The following CYLD variants were observed in gnomAD, a reference collection of about 807,000 sequenced individuals.
CYLD encodes ubiquitin carboxyl-terminal hydrolase CYLD.
In CYLD, 26 loss-of-function variants were observed where a neutral mutation model predicts 104.5. That is an observed-to-expected ratio of 0.25 (90% CI 0.18 to 0.35). CYLD has a LOEUF of 0.35. CYLD is among the 10% of genes least tolerant of loss of function. The probability of loss-of-function intolerance (pLI) is 1.00; values close to 1 mark genes in which losing one functional copy is unlikely to be tolerated. For synonymous variants in CYLD, 385 were observed against 399.9 expected, an observed-to-expected ratio of 0.96 and a Z score of 0.45; for missense variants, 703 against 1,136.1, an observed-to-expected ratio of 0.62 and a Z score of 5.48.
intron 14 of CYLD, among the ~76,000 whole-genome samples, chr16:50,788,409 T>C (rs1434125365): frequency 7.9e-5 from 12 of 152,226 alleles, no homozygotes; most frequent in Admixed American, 7.9e-4. Context: ...ATGGACCTTT[T>C]TACATTTTAG....
intron 7 of CYLD, among the ~76,000 whole-genome samples, chr16:50,776,807 A>G (rs1184230135): frequency 6.6e-6 from 1 of 152,228 alleles, no homozygotes; most frequent in East Asian, 1.9e-4. Context: ...TACAAGCCAA[A>G]GAGCTCATTA....
rs760488100 is a variant in CYLD at position 50,777,993 on chromosome 16, CAGAGAA to C, written c.1138+54_1138+59del. On this transcript the variant is annotated intron_variant, in intron 8 of 18. Coordinates refer to ENST00000427738, the MANE Select transcript of CYLD (RefSeq NM_001378743.1). ...TAATGATCCTTTCTTTCTAACTCAT[CAGAGAA>C]AAATGGTTTTTTATATCAATATTTG... The C allele has an allele frequency of 2.3e-5, 25 of 1,077,684 alleles. No individual in the cohort carries two copies. The South Asian group carries it at 2.4e-4, about 10-fold the overall frequency. The allele number at this position is 1,077,684 out of a possible 1,614,324, so 66.8% of individuals were successfully genotyped here. A position where few individuals can be genotyped will look rare whatever the true frequency, so the allele number is the denominator to read the frequency against.
At chr16:50,747,516 G>T (rs1454898247) in intron 2 of CYLD, among the ~76,000 whole-genome samples, 1 of 152,030 alleles carries the variant, frequency 6.6e-6, no homozygotes, top group Non-Finnish European at 1.5e-5. Context: ...CAATGATCAA[G>T]AAAAAAATAA....
At chr16:50,788,783 A>G (rs1038516075) in intron 14 of CYLD, among the ~76,000 whole-genome samples, 2 of 152,238 alleles carry the variant, frequency 1.3e-5, no homozygotes, top group East Asian at 1.9e-4. Context: ...AAAAATCAAT[A>G]GCATTTCTGT....
rs1188736692 is a variant in CYLD at position 50,796,629 on chromosome 16, T to C, written c.*121T>C. 2.9e-6 allele frequency: 3 copies of C among 1,038,958 alleles called. No individual in the cohort carries two copies. The highest frequency in any genetic ancestry group is 1.3e-5 in the South Asian group (1 of 77,502). The allele number at this position is 1,038,958 out of a possible 1,614,324, so 64.4% of individuals were successfully genotyped here. A position where few individuals can be genotyped will look rare whatever the true frequency, so the allele number is the denominator to read the frequency against. On this transcript the variant is annotated 3_prime_UTR_variant, in exon 19 of 19. Transcript: ENST00000427738. ...TGGATGTCTTTGTGGTGATGATCCT[T>C]CAGAAAAGGATGCCTCTGTTTAAAA...
chr16:50,775,282 A>T, intron 6 of CYLD, 108 bp downstream of exon 6: 1 of 862,440 alleles, frequency 1.2e-6, no homozygotes. Flanking sequence ...AGTATTTAGG[A>T]GTATTCTATG....
Position 50,801,088 on chromosome 16 carries a change from C to T in CYLD, c.*4580C>T, listed in dbSNP as rs1972426066. On this transcript the variant is annotated 3_prime_UTR_variant, in exon 19 of 19. Coordinates refer to ENST00000427738, the MANE Select transcript of CYLD (RefSeq NM_001378743.1). ...GTGTTCGCATTGCCCTTCTCCGTTCCCCTTCAGACCTTTCTGGGGAGAAGA... is the reference window on the plus strand; with the variant it reads ...GTGTTCGCATTGCCCTTCTCCGTTCTCCTTCAGACCTTTCTGGGGAGAAGA... The T allele has an allele frequency of 4.3e-6, 1 of 233,314 alleles. No individual in the cohort carries two copies. Among genetic ancestry groups the T allele is most frequent in the Non-Finnish European group, 8.5e-6 (1 of 118,094 alleles). The allele number at this position is 233,314 out of a possible 1,614,324, so 14.5% of individuals were successfully genotyped here. A position where few individuals can be genotyped will look rare whatever the true frequency, so the allele number is the denominator to read the frequency against.
At chr16:50,762,152 A>T (rs1051242952) in intron 5 of CYLD, among the ~76,000 whole-genome samples, 2 of 151,840 alleles carry the variant, frequency 1.3e-5, no homozygotes, top group Admixed American at 1.3e-4. Context: ...GCAACCTCCC[A>T]TCATCCACCC....
Position 50,792,582 on chromosome 16 carries a change from C to G in CYLD, c.2242-15C>G. ...TTTAACACTTTGATTCTAAAAATAT[C>G]TGTCTTTTTTATAGGCACCATCATG... On this transcript the variant is annotated splice_polypyrimidine_tract_variant and intron_variant, in intron 15 of 18. Coordinates refer to ENST00000427738, the MANE Select transcript of CYLD (RefSeq NM_001378743.1). The G allele has an allele frequency of 6.4e-7, 1 of 1,553,902 alleles. No individual in the cohort carries two copies.
chr16:50,760,371 G>T (rs1967761929), intron 5 of CYLD, among the ~76,000 whole-genome samples: 1 of 152,012 alleles, frequency 6.6e-6, no homozygotes, highest in South Asian at 2.1e-4. Flanking sequence ...AAATTAAAAA[G>T]TACAATAAAA....
At chr16:50,780,545 G>A (rs371300214) in intron 9 of CYLD, among the ~76,000 whole-genome samples, 1 of 152,274 alleles carries the variant, frequency 6.6e-6, no homozygotes. Flanking sequence ...TAGAGATGGG[G>A]TCTCACTCTG....
chr16:50,781,612 C>T (rs563099727), intron 10 of CYLD, among the ~76,000 whole-genome samples: 8 of 152,196 alleles, frequency 5.3e-5, no homozygotes, highest in South Asian at 4.2e-4. Flanking sequence ...TTAGGACGTG[C>T]GTTTGGGACT....
At position 50,786,959 on chromosome 16, in the gene CYLD, A is replaced by T. The variant is rs568244365; in HGVS notation, c.2041+13A>T. The T allele has an allele frequency of 2.8e-5, 44 of 1,594,198 alleles. No individual in the cohort carries two copies. In the South Asian group the frequency reaches 4.2e-4, roughly 15 times the overall value. The stretch of plus-strand genomic sequence containing the variant: ...TCTGAAGAAAAAGGTGACCATCTTA[A>T]CTTATATGCGTTAAAAATAACTGAA... On this transcript the variant is annotated intron_variant, in intron 13 of 18. Coordinates refer to ENST00000427738, the MANE Select transcript of CYLD (RefSeq NM_001378743.1).
At chr16:50,764,532 T>C (rs146234142) in intron 5 of CYLD, among the ~76,000 whole-genome samples, 60 of 152,362 alleles carry the variant, frequency 3.9e-4, no homozygotes, top group African/African-American at 1.4e-3. Context: ...TGCTTTCTTA[T>C]ATTCTTCACC....
chr16:50,790,289 G>A (rs1462554071), intron 14 of CYLD, among the ~76,000 whole-genome samples: 1 of 152,140 alleles, frequency 6.6e-6, no homozygotes, highest in African/African-American at 2.4e-5. Flanking sequence ...GGAAAGTCAA[G>A]AAATTAGTAA....
At chr16:50,777,280 C>A (rs1045989370) in intron 7 of CYLD, among the ~76,000 whole-genome samples, 1 of 152,052 alleles carries the variant, frequency 6.6e-6, no homozygotes, top group South Asian at 2.1e-4. Context: ...CGCCCTCTCA[C>A]GTATAATAAA....
chr16:50,770,453 CTTTTTTT>C (rs1187147281), intron 5 of CYLD, among the ~76,000 whole-genome samples: 1 of 142,014 alleles, frequency 7.0e-6, no homozygotes, highest in Non-Finnish European at 1.5e-5. Context: ...TTCTTTCTTT[CTTTTTTT>C]TTTTTTTGAG....
At chr16:50,751,134 A>C in intron 3 of CYLD, among the ~76,000 whole-genome samples, 1 of 152,238 alleles carries the variant, frequency 6.6e-6, no homozygotes, top group East Asian at 1.9e-4. Flanking sequence ...CTGGGTTGCC[A>C]GGTTACTTAA....
rs547681240 is a variant in CYLD at position 50,801,516 on chromosome 16, T to C, written c.*5008T>C. On this transcript the variant is annotated 3_prime_UTR_variant, in exon 19 of 19. Coordinates refer to ENST00000427738, the MANE Select transcript of CYLD (RefSeq NM_001378743.1). ...CTTAAAAAATTCTAGAGGGATTATA[T>C]TGGAGACTCAACTGCCCTTGGTTTT... 2 of 233,830 alleles carry C rather than the reference T, an allele frequency of 8.6e-6. No homozygotes were observed. The highest frequency in any genetic ancestry group is 1.3e-3 in the Middle Eastern group (1 of 786). 14.5% of individuals were successfully genotyped at this position (233,830 alleles called of 1,614,324 possible).
Sources: allele counts gnomAD v4.1 joint callset (sites outside exome capture counted in the v4.1 genomes callset), GRCh38; gene constraint gnomAD v4.1.1; transcripts MANE v1.5; gene names NCBI Gene and HGNC (gene_info 2026-07-23, HGNC 2026-07-21).